Variants in VPS51 observed in about 807,000 individuals in gnomAD.
VPS51 encodes vacuolar protein sorting-associated protein 51 homolog.
A neutral mutation model predicts 65.1 loss-of-function variants in VPS51; 55 were observed. That is an observed-to-expected ratio of 0.84 (90% confidence interval 0.68 to 1.06). The LOEUF (loss-of-function observed/expected upper bound fraction) is 1.06. VPS51 is among the 50% of genes least tolerant of loss of function. The pLI is 0.00. For missense variants in VPS51, 943 were observed against 1,101.6 expected (o/e 0.86, Z 2.04); for synonymous variants, 473 against 489.5 (o/e 0.97, Z 0.44).
At position 65,109,337 on chromosome 11, in the gene VPS51, ATG is replaced by A; in HGVS notation, c.1504_1505del (p.Cys502ProfsTer45). On this transcript the variant is annotated frameshift_variant, in exon 6 of 10. Transcript: ENST00000279281. LOFTEE classifies it high-confidence loss of function. ...CCTCATCGTGGGCTTCGTCCACTCT[ATG>A]TGCCAGACGGCTCAGAGCTTCTGCG... is the stretch of plus-strand genomic sequence containing the variant. ...EGLIVGFVHSMCQTAQSFCDS... is the reference protein window; with the variant it reads ...EGLIVGFVHSXCQTAQSFCDS... 6.2e-7 allele frequency: 1 copy of A among 1,613,554 alleles called. No homozygotes were observed. The highest frequency in any genetic ancestry group is 8.5e-7 in the Non-Finnish European group (1 of 1,179,946).
chr11:65,109,624 G>T, intron 6 of VPS51, 81 bp from the exon 7 acceptor site: 2 of 1,513,642 alleles, frequency 1.3e-6, no homozygotes, highest in Non-Finnish European at 1.8e-6. Flanking sequence ...TGCCCAATCT[G>T]TGCCCAGCTC....
intron 2 of VPS51, among the ~76,000 whole-genome samples, chr11:65,106,908 A>C (rs1343257611): frequency 6.6e-6 from 1 of 152,130 alleles, no homozygotes. Context: ...AGGACAGTAG[A>C]GACAGCAAAG....
chr11:65,109,023 C>T lies in VPS51; in HGVS notation c.1443+109C>T, dbSNP rs1325623911. ...AAACCAGGCACTCTGGGTGTGGTTT[C>T]AGGTTCTTATGCACGGTCTGGGGGG... On this transcript the variant is annotated intron_variant, in intron 5 of 9. Transcript: ENST00000279281. The T allele has an allele frequency of 4.4e-6, 6 of 1,353,822 alleles. No homozygotes were observed. In the East Asian group the frequency reaches 9.2e-5, roughly 21 times the overall value. The allele number at this position is 1,353,822 out of a possible 1,614,324, so 83.9% of individuals were successfully genotyped here. A position where few individuals can be genotyped will look rare whatever the true frequency, so the allele number is the denominator to read the frequency against.
At chr11:65,098,930 G>A (rs11227121) in intron 2 of VPS51, among the ~76,000 whole-genome samples, 2,456 of 152,274 alleles carry the variant, frequency 0.016, 30 homozygotes, top group Non-Finnish European at 0.024. Context: ...GTTCTCACCC[G>A]TGATCCCAGC....
At chr11:65,096,518 G>GGGC in intron 1 of VPS51, 40 bp downstream of exon 1, 21 of 499,382 alleles carry the variant, frequency 4.2e-5, no homozygotes, top group Middle Eastern at 6.0e-4. Context: ...GGGGAGGGGG[G>GGGC]AAGGGAACCA....
chr11:65,100,371 C>T (rs1197134129), intron 2 of VPS51, among the ~76,000 whole-genome samples: 2 of 152,114 alleles, frequency 1.3e-5, no homozygotes, highest in Non-Finnish European at 2.9e-5. Flanking sequence ...ATCCAAACCA[C>T]AAAATGCTGC....
At position 65,107,294 on chromosome 11, in the gene VPS51, C is replaced by T. The variant is rs1947848539; in HGVS notation, c.359-287C>T. 1.7e-6 allele frequency: 1 copy of T among 574,084 alleles called. No individual in the cohort carries two copies. The highest frequency in any genetic ancestry group is 1.8e-5 in the African/African-American group (1 of 54,280). The allele number at this position is 574,084 out of a possible 1,614,324, so 35.6% of individuals were successfully genotyped here. On this transcript the variant is annotated intron_variant, in intron 2 of 9. Transcript: ENST00000279281. This position sits in a 1 kb window ranked among gnomAD's most constrained non-coding sequence, Gnocchi z 4.0. ...ACAGTGGTGGCAGCTGGCTAAGCAC[C>T]TGCGGCCTGCTTCGGATCTGGACTA...
chr11:65,096,422 C>G lies in VPS51; in HGVS notation c.172C>G (p.Leu58Val). ...AAGRPAGPDP[L>V]DPTDLNGAHF... The stretch of plus-strand genomic sequence containing the variant: ...GGGACGCCCCGCGGGGCCCGACCCC[C>G]TGGACCCGACTGATCTGAACGGGGC... The change falls in exon 1 of 10, where the codon CTG becomes GTG. Residue 58 changes from leucine (L) to valine (V), a missense_variant. By Grantham distance (32) the Leu-to-Val change is conservative. Transcript: ENST00000279281. 1 of 1,551,290 alleles carries G rather than the reference C, an allele frequency of 6.4e-7. No homozygotes were observed. Among genetic ancestry groups the G allele is most frequent in the Non-Finnish European group, 8.6e-7 (1 of 1,156,752 alleles).
chr11:65,109,615 G>C (rs1324773300), intron 6 of VPS51, 90 bp from the exon 7 acceptor site: 11 of 1,513,702 alleles, frequency 7.3e-6, no homozygotes, highest in Non-Finnish European at 9.8e-6. Flanking sequence ...CCTCCACCTT[G>C]CCCAATCTGT....
chr11:65,098,127 G>A (rs1026892395), intron 2 of VPS51, among the ~76,000 whole-genome samples: 18 of 152,088 alleles, frequency 1.2e-4, no homozygotes, highest in African/African-American at 4.3e-4. Context: ...GCTGCGGTGA[G>A]CCAAGATCAC....
chr11:65,101,475 A>G (rs1454422278), intron 2 of VPS51, among the ~76,000 whole-genome samples: 1 of 152,178 alleles, frequency 6.6e-6, no homozygotes, highest in East Asian at 1.9e-4. Context: ...TTCACTGAAA[A>G]TTAACAGAGC....
intron 5 of VPS51, 139 bp downstream of exon 5, chr11:65,109,053 G>A: frequency 8.6e-7 from 1 of 1,167,854 alleles, no homozygotes; most frequent in Non-Finnish European, 1.2e-6. Context: ...GGGGGGTGGG[G>A]AAGGCTCAGG....
At chr11:65,108,053 C>T in intron 4 of VPS51, 31 bp downstream of exon 4, 2 of 1,485,812 alleles carry the variant, frequency 1.3e-6, no homozygotes. Context: ...CCCCAGCGCT[C>T]CCGCCAGCCC....
rs1301442020 is a variant in VPS51, at chr11:65,097,018, G to T, written c.249G>T (p.Leu83=). The stretch of plus-strand genomic sequence containing the variant: ...TTCAGCTGCGTAGAGAGTGCCCTCT[G>T]GCCCAGTTGATGGACAGTGAGACGG... ...YLDKLRRECP[L]AQLMDSETDM... Residue 83 remains leucine (L), a synonymous_variant, in exon 2 of 10, where the codon CTG becomes CTT. Coordinates refer to ENST00000279281, the MANE Select transcript of VPS51 (RefSeq NM_013265.4). 6.8e-6 allele frequency: 11 copies of T among 1,613,724 alleles called. No individual in the cohort carries two copies. The highest frequency in any genetic ancestry group is 9.3e-6 in the Non-Finnish European group (11 of 1,180,030).
intron 4 of VPS51, 21 bp from the exon 5 acceptor site, chr11:65,108,176 C>A: frequency 6.3e-7 from 1 of 1,594,762 alleles, no homozygotes; most frequent in South Asian, 1.1e-5. Context: ...CCCTGCCCTT[C>A]ACTACCTCTC....
rs1947871072 is a variant in VPS51 at position 65,109,325 on chromosome 11, TTCGTCCACTC to T, written c.1491_1500del (p.Phe497LeufsTer59). 5.6e-6 allele frequency: 9 copies of T among 1,613,540 alleles called. No individual in the cohort carries two copies. The highest frequency in any genetic ancestry group is 7.6e-6 in the Non-Finnish European group (9 of 1,179,880). ...TGTCCGTGAGGGCCTCATCGTGGGC[TTCGTCCACTC>T]TATGTGCCAGACGGCTCAGAGCTTC... On this transcript the variant is annotated frameshift_variant, in exon 6 of 10. Coordinates refer to ENST00000279281, the MANE Select transcript of VPS51 (RefSeq NM_013265.4). LOFTEE classifies it high-confidence loss of function.
chr11:65,101,636 G>A (rs1325248506), intron 2 of VPS51, among the ~76,000 whole-genome samples: 2 of 151,590 alleles, frequency 1.3e-5, no homozygotes, highest in Middle Eastern at 3.2e-3. Flanking sequence ...GTGTGGTGTT[G>A]TGTCCCTGTA....
intron 2 of VPS51, among the ~76,000 whole-genome samples, chr11:65,101,762 C>CAAAAAA (rs1165429983): frequency 1.3e-3 from 33 of 26,338 alleles, no homozygotes; most frequent in Non-Finnish European, 1.9e-3. Flanking sequence ...GACCTTGTCT[C>CAAAAAA]AAAAAAAAAA....
intron 2 of VPS51, among the ~76,000 whole-genome samples, chr11:65,100,124 T>A (rs1457671288): frequency 6.6e-6 from 1 of 151,904 alleles, no homozygotes; most frequent in Non-Finnish European, 1.5e-5. Context: ...TAATAATAAA[T>A]AATAATAAAA....
Sources: allele counts gnomAD v4.1 joint callset (sites outside exome capture counted in the v4.1 genomes callset), GRCh38; gene constraint gnomAD v4.1.1; non-coding constraint Gnocchi (gnomAD v3.1); transcripts MANE v1.5; gene names NCBI Gene and HGNC (gene_info 2026-07-23, HGNC 2026-07-21).